Variants in NAA30 observed in about 807,000 individuals in gnomAD.
The protein encoded by NAA30 is N-alpha-acetyltransferase 30, NatC catalytic subunit.
In NAA30, 5 loss-of-function variants were observed where a neutral mutation model predicts 31.4. That is an observed-to-expected ratio of 0.16 (90% CI 0.08 to 0.33). The LOEUF is 0.33. Ranked by LOEUF, NAA30 falls within the 10% of genes least tolerant of loss-of-function variation. The probability of loss-of-function intolerance (pLI) is 1.00; values close to 1 mark genes in which losing one functional copy is unlikely to be tolerated. For missense variants in NAA30, 428 were observed against 490.8 expected, an observed-to-expected ratio of 0.87 and a Z score of 1.21; for synonymous variants, 222 against 207.1, an observed-to-expected ratio of 1.07 and a Z score of -0.62.
At position 57,414,925 on chromosome 14, in the gene NAA30, A is replaced by G. The variant is rs758673644; in HGVS notation, c.*5409A>G. Reference sequence around the variant, plus strand: ...CAAAGACCACTGAAGTGCCAAATTTATCTTCTAATACTACTATTTAAACTA... The same window carrying G: ...CAAAGACCACTGAAGTGCCAAATTTGTCTTCTAATACTACTATTTAAACTA... On this transcript the variant is annotated 3_prime_UTR_variant, in exon 5 of 5. Coordinates refer to ENST00000556492, the MANE Select transcript of NAA30 (RefSeq NM_001011713.3). 7.9e-5 allele frequency: 12 copies of G among 152,242 alleles called. No individual in the cohort carries two copies. The highest frequency in any genetic ancestry group is 1.6e-4 in the Non-Finnish European group (11 of 68,042). 9.4% of individuals were successfully genotyped at this position (152,242 alleles called of 1,614,324 possible). A position where few individuals can be genotyped will look rare whatever the true frequency, so the allele number is the denominator to read the frequency against.
chr14:57,398,595 C>G (rs1018071980), intron 3 of NAA30, among the ~76,000 whole-genome samples: 2 of 151,894 alleles, frequency 1.3e-5, no homozygotes, highest in South Asian at 2.1e-4. Flanking sequence ...GCACCTGGGA[C>G]TACAGGCACA....
At chr14:57,396,037 C>T (rs1367872909) in intron 2 of NAA30, among the ~76,000 whole-genome samples, 6 of 152,252 alleles carry the variant, frequency 3.9e-5, no homozygotes, top group South Asian at 2.1e-4. Context: ...TGCAGTGGCA[C>T]GATCTCAGCT....
intron 2 of NAA30, among the ~76,000 whole-genome samples, chr14:57,396,454 G>A (rs143433820): frequency 1.2e-4 from 18 of 151,676 alleles, no homozygotes; most frequent in African/African-American, 3.9e-4. Context: ...CACCTCATAT[G>A]TAATCTTATA....
At chr14:57,392,735 AG>A (rs2066435265) in intron 2 of NAA30, among the ~76,000 whole-genome samples, 1 of 152,242 alleles carries the variant, frequency 6.6e-6, no homozygotes, top group Admixed American at 6.5e-5. Flanking sequence ...TGAAGGGAAA[AG>A]CCACCATTAC....
chr14:57,396,887 A>ATT lies in NAA30; in HGVS notation c.895+13_895+14dup, dbSNP rs2066452959. The ATT allele has an allele frequency of 1.2e-6, 2 of 1,612,522 alleles. No homozygotes were observed. The highest frequency in any genetic ancestry group is 2.7e-5 in the African/African-American group (2 of 74,924). Reference sequence around the variant, plus strand: ...GAGAAATGGCATTGGTAAGAAAAATATTATTTTATGGAAAGAATGCCTAAG... The same window carrying ATT: ...GAGAAATGGCATTGGTAAGAAAAATATTTTATTTTATGGAAAGAATGCCTAAG... On this transcript the variant is annotated intron_variant, in intron 3 of 4. Coordinates refer to ENST00000556492, the MANE Select transcript of NAA30 (RefSeq NM_001011713.3).
At position 57,391,948 on chromosome 14, in the gene NAA30, A is replaced by G. The variant is rs931092671; in HGVS notation, c.771+220A>G. Among the ~76,000 whole-genome samples the G allele has an allele frequency of 2.0e-5, 3 of 152,224 alleles. No individual in the cohort carries two copies. The highest frequency in any genetic ancestry group is 1.3e-4 in the Admixed American group (2 of 15,278). Reference sequence around the variant, plus strand: ...ACGTGATACTAGTGTAACTGCAGCAAGCCTGTATGGTGGCGTGTTTCACTG... The same window carrying G: ...ACGTGATACTAGTGTAACTGCAGCAGGCCTGTATGGTGGCGTGTTTCACTG... On this transcript the variant is annotated intron_variant, in intron 2 of 4. Transcript: ENST00000556492. This position sits in a 1 kb window ranked among gnomAD's most constrained non-coding sequence, Gnocchi z 4.1.
rs2066429047 is a variant in NAA30 at position 57,391,725 on chromosome 14, C to T, written c.768C>T (p.Phe256=). The change falls in exon 2 of 5, where the codon TTC becomes TTT. Residue 256 remains phenylalanine, a synonymous_variant. Transcript: ENST00000556492. The surrounding 1 kb of genome is among the most constrained non-coding windows in gnomAD (Gnocchi z 4.1). The part of the protein sequence containing the change: ...YFIHNWPQLC[F]LAMVGEECVG... ...TCCACAACTGGCCACAGCTGTGCTT[C>T]TTGGTAAGTGGATAGAATAAAAAGA... 1 of 1,600,158 alleles carries T rather than the reference C, an allele frequency of 6.2e-7. No individual in the cohort carries two copies. The highest frequency in any genetic ancestry group is 8.5e-7 in the Non-Finnish European group (1 of 1,172,208).
chr14:57,391,744 A>G lies in NAA30; in HGVS notation c.771+16A>G. The G allele has an allele frequency of 6.3e-7, 1 of 1,581,966 alleles. No individual in the cohort carries two copies. The highest frequency in any genetic ancestry group is 1.2e-5 in the South Asian group (1 of 85,386). On this transcript the variant is annotated intron_variant, in intron 2 of 4. Coordinates refer to ENST00000556492, the MANE Select transcript of NAA30 (RefSeq NM_001011713.3). This position sits in a 1 kb window ranked among gnomAD's most constrained non-coding sequence, Gnocchi z 4.1. ...GTGCTTCTTGGTAAGTGGATAGAAT[A>G]AAAAGAGGGTGAACCCAGCAGTGAT...
rs765247624 is a variant in NAA30, at chr14:57,409,360, T to C, written c.952-19T>C. The C allele has an allele frequency of 2.5e-6, 4 of 1,574,292 alleles. No individual in the cohort carries two copies. Among genetic ancestry groups the C allele is most frequent in the Non-Finnish European group, 3.4e-6 (4 of 1,162,974 alleles). The stretch of plus-strand genomic sequence containing the variant: ...AAATTGTGTAATTATAACTTAGTTT[T>C]TTTCTCATTTCTTTGAAGGTTGTTT... On this transcript the variant is annotated intron_variant, in intron 4 of 4. Coordinates refer to ENST00000556492, the MANE Select transcript of NAA30 (RefSeq NM_001011713.3).
In NAA30 at chr14:57,412,385, A is replaced by T. The variant is rs1325725765; in HGVS notation, c.*2869A>T. ...CTGACATGTCTAAGACTGGATGTGT[A>T]TATTTATTATGGTGTCTAAAAATCA... On this transcript the variant is annotated 3_prime_UTR_variant, in exon 5 of 5. Transcript: ENST00000556492. The T allele has an allele frequency of 6.6e-6, 1 of 152,102 alleles. No homozygotes were observed. Among genetic ancestry groups the T allele is most frequent in the African/African-American group, 2.4e-5 (1 of 41,428 alleles). The allele number at this position is 152,102 out of a possible 1,614,324, so 9.4% of individuals were successfully genotyped here.
chr14:57,400,921 G>A (rs2066473652), intron 4 of NAA30, among the ~76,000 whole-genome samples: 1 of 149,496 alleles, frequency 6.7e-6, no homozygotes, highest in Admixed American at 6.6e-5. Context: ...TTGTAGAGAT[G>A]GGAGTCTTGC....
intron 4 of NAA30, among the ~76,000 whole-genome samples, chr14:57,405,421 G>GTATA (rs57769501): frequency 0.074 from 11,089 of 149,032 alleles, 474 homozygotes; most frequent in Middle Eastern, 0.096. Context: ...ATATATATGT[G>GTATA]TATATATATA....
chr14:57,396,629 C>A, intron 2 of NAA30, 123 bp from the exon 3 acceptor site: 1 of 928,154 alleles, frequency 1.1e-6, no homozygotes. Context: ...TGCTGTCTTG[C>A]AAGAGTTCCC....
chr14:57,391,039 C>T lies in NAA30; in HGVS notation c.82C>T (p.Pro28Ser). ...PAPAAVEPRC[P>S]FPAGAALACC... ...CCCGGCGGCGGTCGAGCCCCGCTGT[C>T]CCTTCCCGGCGGGGGCCGCCCTCGC... Residue 28 changes from proline (P) to serine (S), a missense_variant, in exon 2 of 5, where the codon CCC becomes TCC. Coordinates refer to ENST00000556492, the MANE Select transcript of NAA30 (RefSeq NM_001011713.3). The surrounding 1 kb of genome is among the most constrained non-coding windows in gnomAD (Gnocchi z 4.1). 2 of 1,512,902 alleles carry T rather than the reference C, an allele frequency of 1.3e-6. No homozygotes were observed. The highest frequency in any genetic ancestry group is 2.4e-5 in the East Asian group (1 of 41,772). 93.7% of individuals were successfully genotyped at this position (1,512,902 alleles called of 1,614,324 possible). A position where few individuals can be genotyped will look rare whatever the true frequency, so the allele number is the denominator to read the frequency against.
intron 2 of NAA30, among the ~76,000 whole-genome samples, chr14:57,395,704 A>G (rs1290899061): frequency 6.6e-6 from 1 of 152,180 alleles, no homozygotes; most frequent in Admixed American, 6.5e-5. Flanking sequence ...CTGTAAAATT[A>G]AAGCTTTTAA....
chr14:57,396,942 A>G, intron 3 of NAA30, 67 bp downstream of exon 3: 1 of 1,502,066 alleles, frequency 6.7e-7, no homozygotes, highest in Non-Finnish European at 9.1e-7. Flanking sequence ...GTTTTGAAAT[A>G]AAAGACTTAA....
At chr14:57,394,951 T>G (rs574072711) in intron 2 of NAA30, among the ~76,000 whole-genome samples, 1 of 152,246 alleles carries the variant, frequency 6.6e-6, no homozygotes, top group South Asian at 2.1e-4. Context: ...AAATATACCA[T>G]TTGGTCTGTG....
At chr14:57,400,269 C>A (rs1248686628) in intron 4 of NAA30, among the ~76,000 whole-genome samples, 1 of 152,180 alleles carries the variant, frequency 6.6e-6, no homozygotes, top group African/African-American at 2.4e-5. Flanking sequence ...TGAAAATAAT[C>A]TTTTCAGAAT....
At chr14:57,407,999 G>A (rs1254819715) in intron 4 of NAA30, among the ~76,000 whole-genome samples, 4 of 152,168 alleles carry the variant, frequency 2.6e-5, no homozygotes, top group South Asian at 4.1e-4. Context: ...TGAGGCATTG[G>A]TGTGGTGGGG....
Sources: gnomAD v4.1 joint callset for allele counts (sites outside exome capture counted in the v4.1 genomes callset) on GRCh38, gnomAD v4.1.1 for gene constraint, Gnocchi (gnomAD v3.1) non-coding constraint, MANE v1.5 for transcripts, NCBI Gene and HGNC (gene_info 2026-07-23, HGNC 2026-07-21) for gene names.